The following PRKG2 variants were observed in gnomAD, a reference collection of about 807,000 sequenced individuals.
PRKG2 encodes cGMP-dependent protein kinase 2.
A neutral mutation model predicts 97.2 loss-of-function variants in PRKG2; 33 were observed. That is an observed-to-expected ratio of 0.34 (90% confidence interval 0.26 to 0.45). The LOEUF (loss-of-function observed/expected upper bound fraction) is 0.45. Among genes scored for constraint, PRKG2 ranks in the 20% least tolerant of loss-of-function variants. The probability of loss-of-function intolerance (pLI) is 1.00; values close to 1 mark genes in which losing one functional copy is unlikely to be tolerated. For synonymous variants in PRKG2, 330 were observed against 321.8 expected (o/e 1.03, Z -0.27); for missense variants, 638 against 900.0 (o/e 0.71, Z 3.73).
rs1344264012 is a variant in PRKG2, at chr4:81,214,975, C to T, written c.-53G>A. The T allele has an allele frequency of 2.0e-5, 3 of 152,462 alleles. No individual in the cohort carries two copies. Among genetic ancestry groups the T allele is most frequent in the Admixed American group, 2.0e-4 (3 of 15,292 alleles). 9.4% of individuals were successfully genotyped at this position (152,462 alleles called of 1,614,324 possible). ...ACTTTCCAGGTGCGCAGCTTGTCAC[C>T]TCGGCGCGGCCGCCCCTGCGTCTCA... On this transcript the variant is annotated 5_prime_UTR_variant, in exon 1 of 19. Coordinates refer to ENST00000264399, the MANE Select transcript of PRKG2 (RefSeq NM_006259.3).
chr4:81,147,549 CT>C (rs1253294021), intron 9 of PRKG2, among the ~76,000 whole-genome samples: 1 of 152,138 alleles, frequency 6.6e-6, no homozygotes, highest in Non-Finnish European at 1.5e-5. Context: ...CTTTAAATCC[CT>C]TTTCCACACC....
intron 17 of PRKG2, among the ~76,000 whole-genome samples, chr4:81,100,587 G>A (rs1225409856): frequency 1.5e-4 from 23 of 152,140 alleles, no homozygotes; most frequent in East Asian, 3.8e-4. Context: ...AGACTTAAAC[G>A]TTAGACCTAG....
intron 6 of PRKG2, among the ~76,000 whole-genome samples, chr4:81,158,373 G>A (rs1265714282): frequency 2.1e-5 from 3 of 145,796 alleles, no homozygotes; most frequent in African/African-American, 8.4e-5. Flanking sequence ...CAACTTACAA[G>A]GCATGTGAAG....
chr4:81,169,579 T>G, intron 5 of PRKG2, 84 bp downstream of exon 5: 2 of 1,006,940 alleles, frequency 2.0e-6, no homozygotes, highest in Non-Finnish European at 3.0e-6. Context: ...GTAGCTATAG[T>G]TGAATAATTA....
At chr4:81,110,764 G>GACAGAC (rs1553919022) in intron 14 of PRKG2, among the ~76,000 whole-genome samples, 153 bp from the exon 15 acceptor site, 5 of 146,326 alleles carry the variant, frequency 3.4e-5, no homozygotes, top group African/African-American at 1.0e-4. Context: ...GAGAGAGAGA[G>GACAGAC]AGACAGACAG....
rs1741347018 is a variant in PRKG2, at chr4:81,089,588, T to C, written c.*120A>G. 3 of 707,674 alleles carry C rather than the reference T, an allele frequency of 4.2e-6. No homozygotes were observed. Among genetic ancestry groups the C allele is most frequent in the African/African-American group, 1.8e-5 (1 of 55,296 alleles). 43.8% of individuals were successfully genotyped at this position (707,674 alleles called of 1,614,324 possible). ...CTCCTCTTCCCATTGTGCAGGAATT[T>C]CTTTTCCCTAATGGTCTTCCAAAGA... On this transcript the variant is annotated 3_prime_UTR_variant, in exon 19 of 19. Coordinates refer to ENST00000264399, the MANE Select transcript of PRKG2 (RefSeq NM_006259.3).
At chr4:81,097,012 G>C (rs1742182041) in intron 17 of PRKG2, among the ~76,000 whole-genome samples, 2 of 152,118 alleles carry the variant, frequency 1.3e-5, no homozygotes, top group South Asian at 4.1e-4. Flanking sequence ...AGCCATCAAA[G>C]GAATCACTAT....
chr4:81,185,134 A>C (rs1160973125), intron 2 of PRKG2, among the ~76,000 whole-genome samples: 4 of 152,182 alleles, frequency 2.6e-5, no homozygotes, highest in African/African-American at 9.7e-5. Context: ...AGAACACCAC[A>C]AAGATAGTCC....
In PRKG2 at chr4:81,087,919, T is replaced by A. The variant is rs1027063575; in HGVS notation, c.*1789A>T. 1.3e-5 allele frequency: 2 copies of A among 152,152 alleles called. No individual in the cohort carries two copies. The highest frequency in any genetic ancestry group is 6.6e-5 in the Admixed American group (1 of 15,266). The allele number at this position is 152,152 out of a possible 1,614,324, so 9.4% of individuals were successfully genotyped here. On this transcript the variant is annotated 3_prime_UTR_variant, in exon 19 of 19. Coordinates refer to ENST00000264399, the MANE Select transcript of PRKG2 (RefSeq NM_006259.3). ...TATTGATCTGCTTTGAGAATATCAT[T>A]CCTATTATAACTGTATAGTTCTAAT... is the stretch of plus-strand genomic sequence containing the variant.
chr4:81,203,154 A>T (rs1411202657), intron 2 of PRKG2, among the ~76,000 whole-genome samples: 1 of 151,954 alleles, frequency 6.6e-6, no homozygotes, highest in African/African-American at 2.4e-5. Flanking sequence ...TCAGTTTTTT[A>T]AAACAAATAT....
At chr4:81,093,623 A>G (rs953731459) in intron 17 of PRKG2, among the ~76,000 whole-genome samples, 4 of 152,214 alleles carry the variant, frequency 2.6e-5, no homozygotes, top group African/African-American at 9.6e-5. Context: ...TTGTTGAGTG[A>G]TTGAATGACT....
At chr4:81,107,726 T>C (rs979963136) in intron 15 of PRKG2, among the ~76,000 whole-genome samples, 1 of 151,996 alleles carries the variant, frequency 6.6e-6, no homozygotes, top group Non-Finnish European at 1.5e-5. Context: ...TTGGCCAGGA[T>C]GGTCTCAATT....
At chr4:81,157,540 A>T (rs1489515158) in intron 6 of PRKG2, among the ~76,000 whole-genome samples, 1 of 152,240 alleles carries the variant, frequency 6.6e-6, no homozygotes, top group Non-Finnish European at 1.5e-5. Flanking sequence ...AAACTATTCC[A>T]GTCCATAGAA....
At chr4:81,171,635 G>C in intron 4 of PRKG2, 56 bp downstream of exon 4, 1 of 1,374,746 alleles carries the variant, frequency 7.3e-7, no homozygotes, top group East Asian at 2.3e-5. Context: ...GACTGGACTA[G>C]ATTATCTTTA....
At chr4:81,151,468 G>A (rs1748393804) in intron 8 of PRKG2, among the ~76,000 whole-genome samples, 1 of 151,870 alleles carries the variant, frequency 6.6e-6, no homozygotes, top group Non-Finnish European at 1.5e-5. Flanking sequence ...TGAAGGTTGT[G>A]GTAAAAATTG....
intron 6 of PRKG2, among the ~76,000 whole-genome samples, chr4:81,155,058 G>A (rs1380099411): frequency 4.7e-5 from 7 of 149,608 alleles, no homozygotes; most frequent in Non-Finnish European, 8.9e-5. Flanking sequence ...GGCGCCTGTA[G>A]TCCCAGCTAC....
chr4:81,204,985 G>A lies in PRKG2; in HGVS notation c.63C>T (p.Leu21=), dbSNP rs762185624. Residue 21 remains leucine, a synonymous_variant, in exon 2 of 19, where the codon CTC becomes CTT. Transcript: ENST00000264399. Reference sequence around the variant, plus strand: ...CCTTGTTCCGCAGAGCATCAGTGGTGAGGTTCCCAGAGTGTCCATCTGGGT... The same window carrying A: ...CCTTGTTCCGCAGAGCATCAGTGGTAAGGTTCCCAGAGTGTCCATCTGGGT... The part of the protein sequence containing the change: ...SKHPDGHSGN[L]TTDALRNKVT... 1.4e-5 allele frequency: 23 copies of A among 1,613,928 alleles called. No homozygotes were observed. The highest frequency in any genetic ancestry group is 1.6e-4 in the Middle Eastern group (1 of 6,082).
intron 12 of PRKG2, among the ~76,000 whole-genome samples, chr4:81,139,433 C>CAT (rs375727492): frequency 3.5e-4 from 53 of 151,992 alleles, no homozygotes; most frequent in African/African-American, 1.0e-3. Flanking sequence ...CTCAAACACA[C>CAT]ATATATATAT....
At chr4:81,125,036 T>C (rs1000217587) in intron 14 of PRKG2, among the ~76,000 whole-genome samples, 3 of 152,184 alleles carry the variant, frequency 2.0e-5, no homozygotes, top group African/African-American at 7.2e-5. Flanking sequence ...TCATTTCTCT[T>C]TCTTATGTTC....
Sources: allele counts gnomAD v4.1 joint callset (sites outside exome capture counted in the v4.1 genomes callset), GRCh38; gene constraint gnomAD v4.1.1; transcripts MANE v1.5; gene names NCBI Gene and HGNC (gene_info 2026-07-23, HGNC 2026-07-21).